KRT77: variants seen among roughly 807,000 people sequenced by gnomAD.
KRT77 encodes the protein keratin 77, also known as keratin, type II cytoskeletal 1b.
A neutral mutation model predicts 51.5 loss-of-function variants in KRT77; 44 were observed. The observed-to-expected ratio is 0.85, with a 90% CI of 0.67 to 1.10. The LOEUF (loss-of-function observed/expected upper bound fraction) is 1.10. Ranked by LOEUF, KRT77 falls within the 50% of genes least tolerant of loss-of-function variation. The pLI is 0.00. For synonymous variants in KRT77, 293 were observed against 302.0 expected (o/e 0.97, Z 0.31); for missense variants, 763 against 743.9 (o/e 1.03, Z -0.30).
intron 1 of KRT77, among the ~76,000 whole-genome samples, chr12:52,699,577 G>C (rs1941853781): frequency 6.6e-6 from 1 of 152,220 alleles, no homozygotes; most frequent in Non-Finnish European, 1.5e-5. Flanking sequence ...GCATGCTGCT[G>C]AGCAACCTTC....
At chr12:52,692,263 T>G (rs1941722183) in intron 7 of KRT77, among the ~76,000 whole-genome samples, 158 bp downstream of exon 7, 1 of 152,176 alleles carries the variant, frequency 6.6e-6, no homozygotes, top group Non-Finnish European at 1.5e-5. Context: ...GGCTTGTCCA[T>G]TCACACAGCC....
intron 1 of KRT77, among the ~76,000 whole-genome samples, chr12:52,700,203 T>C (rs1236151695): frequency 1.3e-5 from 2 of 152,204 alleles, no homozygotes; most frequent in Non-Finnish European, 2.9e-5. Flanking sequence ...GCAATTCTCA[T>C]ATGTCAGGCA....
At position 52,703,172 on chromosome 12, in the gene KRT77, AC is replaced by A. The variant is rs1397031814; in HGVS notation, c.262del (p.Val88Ter). The A allele has an allele frequency of 1.3e-6, 2 of 1,578,332 alleles. No individual in the cohort carries two copies. Among genetic ancestry groups the A allele is most frequent in the African/African-American group, 3.0e-5 (2 of 65,850 alleles). Reference protein sequence around the residue: ...STSGFCQGGGVGGFGGGRGFG... With the variant: ...STSGFCQGGGXGGFGGGRGFG... ...GCCTCTGCCCCCTCCAAATCCCCCTACTCCCCCACCCTGGCAGAAACCACTG... is the reference window on the plus strand; with the variant it reads ...GCCTCTGCCCCCTCCAAATCCCCCTATCCCCCACCCTGGCAGAAACCACTG... On this transcript the variant is annotated frameshift_variant, in exon 1 of 9. Transcript: ENST00000341809. LOFTEE classifies it high-confidence loss of function.
At chr12:52,701,838 A>G (rs767782970) in intron 1 of KRT77, among the ~76,000 whole-genome samples, 19 of 152,110 alleles carry the variant, frequency 1.2e-4, no homozygotes, top group Admixed American at 6.5e-5. Flanking sequence ...ATTGCATGCT[A>G]TTGACTTTAG....
intron 5 of KRT77, 104 bp from the exon 6 acceptor site, chr12:52,692,984 C>A: frequency 1.5e-6 from 2 of 1,356,674 alleles, no homozygotes; most frequent in South Asian, 2.6e-5. Flanking sequence ...TCCCACCCAC[C>A]TTGCACTGTG....
intron 1 of KRT77, among the ~76,000 whole-genome samples, chr12:52,701,058 C>T (rs750759169): frequency 1.3e-5 from 2 of 152,218 alleles, no homozygotes; most frequent in Non-Finnish European, 2.9e-5. Flanking sequence ...GTCTCTTGCA[C>T]CCTAGCCTCT....
At chr12:52,693,700 G>GCCCAACAA (rs1269534037) in intron 5 of KRT77, 9 of 151,032 alleles carry the variant, frequency 6.0e-5, no homozygotes, top group Non-Finnish European at 1.2e-4. Context: ...CCAAAGATGT[G>GCCCAACAA]CCCAACAACT....
At chr12:52,695,340 C>A (rs1045872265) in intron 4 of KRT77, 3 of 167,856 alleles carry the variant, frequency 1.8e-5, no homozygotes, top group Non-Finnish European at 1.3e-5. Flanking sequence ...CAAAAGAGGG[C>A]CGGGTGGTGG....
At chr12:52,695,972 C>A in intron 3 of KRT77, 105 bp from the exon 4 acceptor site, 2 of 749,320 alleles carry the variant, frequency 2.7e-6, no homozygotes, top group Non-Finnish European at 4.7e-6. Context: ...GGTTTATTTC[C>A]TTACTTAAAA....
chr12:52,691,090 G>A lies in KRT77; in HGVS notation c.*75C>T. The A allele has an allele frequency of 6.2e-7, 1 of 1,601,232 alleles. No homozygotes were observed. Among genetic ancestry groups the A allele is most frequent in the Non-Finnish European group, 8.5e-7 (1 of 1,170,748 alleles). ...AAGAAAAGTGAATGAGAGGGGATCA[G>A]GAAGGGCGTGGAGGGGAGGAGTTTG... On this transcript the variant is annotated 3_prime_UTR_variant, in exon 9 of 9. Transcript: ENST00000341809.
intron 2 of KRT77, 130 bp downstream of exon 2, chr12:52,697,552 A>T: frequency 2.0e-6 from 1 of 511,052 alleles, no homozygotes; most frequent in East Asian, 4.6e-5. Flanking sequence ...TGCCTCCTGC[A>T]GTTGTGCAGT....
At chr12:52,692,908 G>C (rs761984716) in intron 5 of KRT77, 28 bp from the exon 6 acceptor site, 1 of 1,600,220 alleles carries the variant, frequency 6.2e-7, no homozygotes, top group East Asian at 2.2e-5. Flanking sequence ...ATCATAGTCA[G>C]CATGTGCTGC....
Position 52,697,768 on chromosome 12 carries a change from C to G in KRT77, c.672G>C (p.Arg224Ser). ...LLENYIGDLR[R>S]QVDLLSAEQM... ...GCTCCGCACTGAGCAAATCCACCTG[C>G]CTCCGCAGGTCACCGATGTAGTTCT... is the stretch of plus-strand genomic sequence containing the variant. The change falls in exon 2 of 9, where the codon AGG becomes AGC. Residue 224 changes from arginine (R) to serine (S), a missense_variant. Transcript: ENST00000341809. 1 of 1,614,144 alleles carries G rather than the reference C, an allele frequency of 6.2e-7. No individual in the cohort carries two copies. The highest frequency in any genetic ancestry group is 8.5e-7 in the Non-Finnish European group (1 of 1,179,990).
At position 52,703,406 on chromosome 12, in the gene KRT77, G is replaced by A. The variant is rs767856418; in HGVS notation, c.29C>T (p.Ala10Val). 1.5e-5 allele frequency: 24 copies of A among 1,598,642 alleles called. No homozygotes were observed. Among genetic ancestry groups the A allele is most frequent in the Middle Eastern group, 1.7e-4 (1 of 6,022 alleles). The change falls in exon 1 of 9, where the codon GCG becomes GTG. Residue 10 changes from alanine to valine, a missense_variant. By Grantham distance (64) the Ala-to-Val change is moderately conservative. Coordinates refer to ENST00000341809, the MANE Select transcript of KRT77 (RefSeq NM_175078.3). Reference sequence around the variant, plus strand: ...AACCCGCCTGCTCATTGAACTAAACGCGGACTGAGAACTAAATTGGTGGCT... The same window carrying A: ...AACCCGCCTGCTCATTGAACTAAACACGGACTGAGAACTAAATTGGTGGCT... MSHQFSSQSAFSSMSRRVYS... is the reference protein window; with the variant it reads MSHQFSSQSVFSSMSRRVYS...
At chr12:52,692,254 G>A (rs530011828) in intron 7 of KRT77, among the ~76,000 whole-genome samples, 167 bp downstream of exon 7, 11 of 152,300 alleles carry the variant, frequency 7.2e-5, no homozygotes, top group Non-Finnish European at 1.3e-4. Context: ...ATGTGAAGAG[G>A]CTTGTCCATT....
intron 7 of KRT77, 86 bp downstream of exon 7, chr12:52,692,335 G>A: frequency 6.9e-7 from 1 of 1,458,694 alleles, no homozygotes; most frequent in Non-Finnish European, 9.4e-7. Flanking sequence ...AAAAGGTGGG[G>A]CTTATCTTTT....
intron 1 of KRT77, among the ~76,000 whole-genome samples, chr12:52,702,085 T>C (rs1941893478): frequency 6.6e-6 from 1 of 152,194 alleles, no homozygotes; most frequent in Non-Finnish European, 1.5e-5. Context: ...CGGCAGCACA[T>C]ATACTAAAAT....
chr12:52,699,627 G>A (rs1210907612), intron 1 of KRT77, among the ~76,000 whole-genome samples: 1 of 152,190 alleles, frequency 6.6e-6, no homozygotes, highest in Non-Finnish European at 1.5e-5. Context: ...CCTGCACAGG[G>A]ACCTCCCAGT....
Position 52,694,663 on chromosome 12 carries a change from C to T in KRT77, c.1043G>A (p.Arg348Lys), listed in dbSNP as rs79761664. The change falls in exon 5 of 9, where the codon AGG (arginine) becomes AAG (lysine). Residue 348 changes from arginine (R) to lysine (K), a missense_variant. Physicochemically the swap from Arg to Lys is conservative, Grantham distance 26. Coordinates refer to ENST00000341809, the MANE Select transcript of KRT77 (RefSeq NM_175078.3). ...VRTQYELIAQ[R>K]SKDEAEALYQ... ...CAGGGCTTCGGCCTCGTCCTTGCTC[C>T]TCTGTGCAATCAGTTCATACTGGGT... The T allele has an allele frequency of 6.2e-7, 1 of 1,612,066 alleles. No homozygotes were observed. Among genetic ancestry groups the T allele is most frequent in the Non-Finnish European group, 8.5e-7 (1 of 1,178,622 alleles).
Sources: gnomAD v4.1 joint callset for allele counts (sites outside exome capture counted in the v4.1 genomes callset) on GRCh38, gnomAD v4.1.1 for gene constraint, MANE v1.5 for transcripts, NCBI Gene and HGNC (gene_info 2026-07-23, HGNC 2026-07-21) for gene names.